The following GCNT1 variants were observed in gnomAD, a reference collection of about 807,000 sequenced individuals.
The protein encoded by GCNT1 is beta-1,3-galactosyl-O-glycosyl-glycoprotein beta-1,6-N-acetylglucosaminyltransferase.
A neutral mutation model predicts 26.2 loss-of-function variants in GCNT1; 16 were observed. The observed-to-expected ratio is 0.61, with a 90% CI of 0.41 to 0.93. The LOEUF is 0.93. Ranked by LOEUF, GCNT1 falls within the 40% of genes least tolerant of loss-of-function variation. The pLI, the probability that GCNT1 is intolerant of heterozygous loss-of-function variation, is 0.00. For synonymous variants in GCNT1, 183 were observed against 190.8 expected (o/e 0.96, Z 0.34); for missense variants, 477 against 526.7 (o/e 0.91, Z 0.92).
intron 2 of GCNT1, among the ~76,000 whole-genome samples, chr9:76,498,267 T>A (rs1824964149): frequency 6.6e-6 from 1 of 152,224 alleles, no homozygotes; most frequent in Non-Finnish European, 1.5e-5. Context: ...CTATTAGTAA[T>A]GCCATTATGA....
At chr9:76,469,737 G>C (rs111663350) in intron 2 of GCNT1, among the ~76,000 whole-genome samples, 15,243 of 152,228 alleles carry the variant, frequency 0.1, 1,196 homozygotes, top group African/African-American at 0.22. Context: ...CTAAAGGCTT[G>C]CCATTGTTCC....
the GCNT1 span, chr9:76,398,809 C>T: frequency 7.3e-7 from 1 of 1,367,560 alleles, no homozygotes. Context: ...TGGAACAGTA[C>T]ATCTGTAAAA....
rs1825045603 is a variant in GCNT1, at chr9:76,500,916, A to T, written c.-289A>T. On this transcript the variant is annotated splice_region_variant and 5_prime_UTR_variant, in exon 3 of 4. Transcript: ENST00000376730. ...GTCACATTGTTTTTTAATTTCACAG[A>T]TTTCTTTAAAGACTCGTGCAGCACA... 6.6e-6 allele frequency: 1 copy of T among 152,164 alleles called. No homozygotes were observed. The highest frequency in any genetic ancestry group is 1.5e-5 in the Non-Finnish European group (1 of 68,036). 9.4% of individuals were successfully genotyped at this position (152,164 alleles called of 1,614,324 possible). A position where few individuals can be genotyped will look rare whatever the true frequency, so the allele number is the denominator to read the frequency against.
chr9:76,455,272 A>T (rs2131589855), upstream of GCNT1, among the ~76,000 whole-genome samples: 1 of 152,316 alleles, frequency 6.6e-6, no homozygotes, highest in Middle Eastern at 3.4e-3. Flanking sequence ...CTGAGACTAG[A>T]TTAAAGGGCA....
At chr9:76,419,918 G>C (rs1471359144) in intron 1 of GCNT1, 1 of 152,242 alleles carries the variant, frequency 6.6e-6, no homozygotes, top group Non-Finnish European at 1.5e-5. Context: ...TACTTACCAT[G>C]GCTCCTACAA....
chr9:76,423,246 T>G (rs1424976715), intron 1 of GCNT1, among the ~76,000 whole-genome samples: 1 of 152,218 alleles, frequency 6.6e-6, no homozygotes, highest in Non-Finnish European at 1.5e-5. Flanking sequence ...TGTTGGAAAC[T>G]TAATCCCTAA....
In GCNT1 at chr9:76,504,270, T is replaced by C. The variant is rs1012685697; in HGVS notation, c.*602T>C. On this transcript the variant is annotated 3_prime_UTR_variant, in exon 4 of 4. Transcript: ENST00000376730. ...GCTTGATTTAACATTGTTTTTGTGTTATTTTTGCTTGAAACAACGCACACA... is the reference window on the plus strand; with the variant it reads ...GCTTGATTTAACATTGTTTTTGTGTCATTTTTGCTTGAAACAACGCACACA... 2 of 168,604 alleles carry C rather than the reference T, an allele frequency of 1.2e-5. No homozygotes were observed. Among genetic ancestry groups the C allele is most frequent in the African/African-American group, 4.8e-5 (2 of 41,528 alleles). The allele number at this position is 168,604 out of a possible 1,614,324, so 10.4% of individuals were successfully genotyped here.
chr9:76,395,280 AT>A, the GCNT1 span, among the ~76,000 whole-genome samples: 2 of 152,102 alleles, frequency 1.3e-5, no homozygotes, highest in South Asian at 4.1e-4. Flanking sequence ...TTTTTTATTT[AT>A]TTTTTTAAAT....
At chr9:76,411,697 C>CTTTT in the GCNT1 span, among the ~76,000 whole-genome samples, 15,791 of 82,856 alleles carry the variant, frequency 0.19, 2,367 homozygotes, top group Non-Finnish European at 0.25. Flanking sequence ...ATCAATTATA[C>CTTTT]TTTTTTTTTT....
chr9:76,496,487 T>A (rs1824909764), intron 2 of GCNT1, among the ~76,000 whole-genome samples: 1 of 152,146 alleles, frequency 6.6e-6, no homozygotes, highest in Admixed American at 6.6e-5. Flanking sequence ...CCAGTTTGAT[T>A]TCTGCCTCCT....
At chr9:76,458,617 A>G (rs1365306638), upstream of GCNT1, among the ~76,000 whole-genome samples, 2 of 152,214 alleles carry the variant, frequency 1.3e-5, no homozygotes, top group East Asian at 1.9e-4. Context: ...TATAACTGAC[A>G]CAAAGATCTG....
At chr9:76,478,857 A>G (rs1298388164) in intron 2 of GCNT1, among the ~76,000 whole-genome samples, 2 of 152,266 alleles carry the variant, frequency 1.3e-5, no homozygotes, top group East Asian at 3.9e-4. Context: ...AATACATTTT[A>G]TTTATCTATT....
At chr9:76,438,247 C>G (rs1421584690), upstream of GCNT1, among the ~76,000 whole-genome samples, 1 of 152,144 alleles carries the variant, frequency 6.6e-6, no homozygotes, top group Non-Finnish European at 1.5e-5. Flanking sequence ...TGGGTTTGAT[C>G]TGGAAAGGTA....
At chr9:76,427,285 G>C (rs1341598871) in intron 1 of GCNT1, among the ~76,000 whole-genome samples, 1 of 150,358 alleles carries the variant, frequency 6.7e-6, no homozygotes, top group South Asian at 2.1e-4. Flanking sequence ...CAGCCTTGAC[G>C]TTCTGGGCTC....
chr9:76,475,529 G>A (rs1824234622), intron 2 of GCNT1, among the ~76,000 whole-genome samples: 1 of 152,166 alleles, frequency 6.6e-6, no homozygotes, highest in Non-Finnish European at 1.5e-5. Flanking sequence ...GACATTTGAT[G>A]TTTTTTATTT....
upstream of GCNT1, among the ~76,000 whole-genome samples, chr9:76,418,755 T>C (rs1237731883): frequency 2.0e-5 from 3 of 152,208 alleles, no homozygotes; most frequent in Non-Finnish European, 4.4e-5. Flanking sequence ...TGAATGAACC[T>C]GGGAGACAGG....
chr9:76,488,000 C>G (rs72747363), intron 2 of GCNT1, among the ~76,000 whole-genome samples: 10,586 of 152,280 alleles, frequency 0.07, 496 homozygotes, highest in Non-Finnish European at 0.099. Context: ...TCCCAAAGTG[C>G]TAGGATCAGA....
intron 2 of GCNT1, among the ~76,000 whole-genome samples, chr9:76,495,194 G>A (rs952817077): frequency 6.6e-6 from 1 of 152,136 alleles, no homozygotes; most frequent in African/African-American, 2.4e-5. Context: ...TCCTTCTGGT[G>A]GATTCTTGGT....
At chr9:76,482,979 A>G (rs1824461816) in intron 2 of GCNT1, among the ~76,000 whole-genome samples, 1 of 151,974 alleles carries the variant, frequency 6.6e-6, no homozygotes. Flanking sequence ...TCTTTAATCT[A>G]GTATATCAAA....
Sources: allele counts gnomAD v4.1 joint callset (sites outside exome capture counted in the v4.1 genomes callset), GRCh38; gene constraint gnomAD v4.1.1; transcripts MANE v1.5; gene names NCBI Gene and HGNC (gene_info 2026-07-23, HGNC 2026-07-21).